CMA1: variants seen among roughly 807,000 people sequenced by gnomAD.
The protein encoded by CMA1 is chymase 1.
In CMA1, 24 loss-of-function variants were observed where a neutral mutation model predicts 18.8. The ratio of observed to expected loss-of-function variants is 1.28; its 90% confidence interval spans 0.92 to 1.80. CMA1 has a LOEUF of 1.80. Ranked by LOEUF, CMA1 falls within the 40% of genes most tolerant of loss-of-function variation. The pLI, the probability that CMA1 is intolerant of heterozygous loss-of-function variation, is 0.00. For missense variants in CMA1, 421 were observed against 302.8 expected, an observed-to-expected ratio of 1.39 and a Z score of -2.90; for synonymous variants, 152 against 117.0, an observed-to-expected ratio of 1.30 and a Z score of -1.93.
Position 24,505,600 on chromosome 14 carries a change from T to C in CMA1, c.660A>G (p.Gly220=). The C allele has an allele frequency of 6.2e-7, 1 of 1,613,820 alleles. No homozygotes were observed. The highest frequency in any genetic ancestry group is 8.5e-7 in the Non-Finnish European group (1 of 1,179,956). The change falls in exon 5 of 5, where the codon GGA becomes GGG. Residue 220 remains glycine (G), a synonymous_variant. Transcript: ENST00000250378. ...AGVAQGIVSY[G]RSDAKPPAVF... ...CAGCAGGGGGCTTTGCATCCGACCG[T>C]CCATAGGATACGATGCCCTGGGCCA...
chr14:24,506,303 T>A (rs1885108), intron 3 of CMA1, 21 bp from the exon 4 acceptor site: 5 of 1,610,696 alleles, frequency 3.1e-6, no homozygotes, highest in African/African-American at 1.3e-5. Context: ...AATGAAGGAC[T>A]GTCAGTCCTC....
chr14:24,505,904 G>A (rs994137637), intron 4 of CMA1, 124 bp downstream of exon 4: 7 of 1,340,574 alleles, frequency 5.2e-6, no homozygotes, highest in Non-Finnish European at 5.1e-6. Flanking sequence ...GACCACGGGA[G>A]GACAGCAATT....
Position 24,506,284 on chromosome 14 carries a change from T to C in CMA1, c.346-2A>G. The C allele has an allele frequency of 6.2e-7, 1 of 1,613,516 alleles. No homozygotes were observed. The highest frequency in any genetic ancestry group is 8.5e-7 in the Non-Finnish European group (1 of 1,179,720). On this transcript the variant is annotated splice_acceptor_variant, in intron 3 of 4. Transcript: ENST00000250378. LOFTEE classifies it high-confidence loss of function. ...GGTCAGGCTGGCTTTCTCCTTCAACTGTGAAGGGAATGAAGGACTGTCAGT... is the reference window on the plus strand; with the variant it reads ...GGTCAGGCTGGCTTTCTCCTTCAACCGTGAAGGGAATGAAGGACTGTCAGT...
rs762233096 is a variant in CMA1, at chr14:24,505,621, G to C, written c.639C>G (p.Ala213=). Residue 213 remains alanine, a synonymous_variant, in exon 5 of 5, where the codon GCC becomes GCG. Transcript: ENST00000250378. ...SGGPLLCAGV[A]QGIVSYGRSD... is the part of the protein sequence containing the mutation. ...ACCGTCCATAGGATACGATGCCCTG[G>C]GCCACCCCAGCACACAGAAGAGGGC... The C allele has an allele frequency of 6.2e-7, 1 of 1,613,640 alleles. No homozygotes were observed. Among genetic ancestry groups the C allele is most frequent in the East Asian group, 2.2e-5 (1 of 44,862 alleles).
At chr14:24,505,912 A>T (rs1228763722) in intron 4 of CMA1, 116 bp downstream of exon 4, 1 of 1,406,640 alleles carries the variant, frequency 7.1e-7, no homozygotes, top group Non-Finnish European at 9.7e-7. Context: ...GAGGACAGCA[A>T]TTCCTGTGAT....
chr14:24,506,441 T>C (rs1354732537), intron 3 of CMA1, 28 bp downstream of exon 3: 44 of 1,612,740 alleles, frequency 2.7e-5, no homozygotes, highest in Non-Finnish European at 3.6e-5. Flanking sequence ...GAATGGGAAG[T>C]GGAAAGGGAG....
At chr14:24,507,613 C>A in intron 1 of CMA1, 107 bp from the exon 2 acceptor site, 1 of 1,314,502 alleles carries the variant, frequency 7.6e-7, no homozygotes, top group Non-Finnish European at 1.1e-6. Context: ...CTCATTCTCA[C>A]CCTGTGTTCC....
intron 2 of CMA1, 23 bp downstream of exon 2, chr14:24,507,333 A>G: frequency 6.2e-7 from 1 of 1,614,038 alleles, no homozygotes; most frequent in Non-Finnish European, 8.5e-7. Flanking sequence ...CCATTTGGAG[A>G]TAAATAGACC....
chr14:24,507,454 G>T lies in CMA1; in HGVS notation c.111C>A (p.Ala37=). Reference sequence around the variant, plus strand: ...CGTTGGAAGTTACAATTTCCAGGTAGGCCATGTAGGGGCGGGAATGTGGCT... The same window carrying T: ...CGTTGGAAGTTACAATTTCCAGGTATGCCATGTAGGGGCGGGAATGTGGCT... ...ECKPHSRPYM[A]YLEIVTSNGP... The change falls in exon 2 of 5, where the codon GCC becomes GCA. Residue 37 remains alanine, a synonymous_variant. Coordinates refer to ENST00000250378, the MANE Select transcript of CMA1 (RefSeq NM_001836.5). 2 of 1,614,202 alleles carry T rather than the reference G, an allele frequency of 1.2e-6. No homozygotes were observed. The highest frequency in any genetic ancestry group is 1.7e-6 in the Non-Finnish European group (2 of 1,180,026).
rs968910061 is a variant in CMA1 at position 24,505,460 on chromosome 14, C to T, written c.*56G>A. The T allele has an allele frequency of 6.2e-7, 1 of 1,611,700 alleles. No homozygotes were observed. The highest frequency in any genetic ancestry group is 1.1e-5 in the South Asian group (1 of 90,980). On this transcript the variant is annotated 3_prime_UTR_variant, in exon 5 of 5. Coordinates refer to ENST00000250378, the MANE Select transcript of CMA1 (RefSeq NM_001836.5). ...GGTAGACCAGAATGAGTGGCACACA[C>T]TTTGCTGCTCAGGTCCAGTTCCAGC...
rs750271409 is a variant in CMA1 at position 24,508,196 on chromosome 14, A to G, written c.40T>C (p.Cys14Arg). 33 of 1,613,858 alleles carry G rather than the reference A, an allele frequency of 2.0e-5. No homozygotes were observed. The highest frequency in any genetic ancestry group is 2.8e-5 in the Non-Finnish European group (33 of 1,179,936). The change falls in exon 1 of 5, where the codon TGC becomes CGC. Residue 14 changes from cysteine (C) to arginine (R), a missense_variant. Physicochemically the swap from Cys to Arg is radical, Grantham distance 180. Coordinates refer to ENST00000250378, the MANE Select transcript of CMA1 (RefSeq NM_001836.5). ...LPLPLLLFLL[C>R]SRAEAGEIIG... ...TACTCACCAGCTTCAGCTCTGGAGC[A>G]CAAGAGAAAGAGCAGCAGGGGGAGA...
intron 1 of CMA1, 27 bp downstream of exon 1, chr14:24,508,151 T>C: frequency 6.2e-7 from 1 of 1,608,600 alleles, no homozygotes; most frequent in Non-Finnish European, 8.5e-7. Flanking sequence ...TACTGCAGAT[T>C]TCAGAGGGAA....
At chr14:24,507,217 C>T (rs1001591456) in intron 2 of CMA1, 139 bp downstream of exon 2, 4 of 991,568 alleles carry the variant, frequency 4.0e-6, no homozygotes, top group African/African-American at 3.2e-5. Flanking sequence ...AGACTAAAGT[C>T]TTTCAGCCCA....
In CMA1 at chr14:24,506,177, T is replaced by C. The variant is rs754514699; in HGVS notation, c.451A>G (p.Arg151Gly). 1.8e-4 allele frequency: 292 copies of C among 1,614,090 alleles called. No individual in the cohort carries two copies. The highest frequency in any genetic ancestry group is 2.4e-4 in the Non-Finnish European group (287 of 1,180,044). The change falls in exon 4 of 5, where the codon AGA (arginine) becomes GGA (glycine). Residue 151 changes from arginine (R) to glycine (G), a missense_variant. Physicochemically the swap from Arg to Gly is moderately radical, Grantham distance 125. Coordinates refer to ENST00000250378, the MANE Select transcript of CMA1 (RefSeq NM_001836.5). ...GRMCRVAGWG[R>G]TGVLKPGSDT... ...GAGCCCGGCTTCAACACACCTGTTC[T>C]TCCCCAGCCAGCCACCCGGCACATT...
intron 4 of CMA1, 21 bp from the exon 5 acceptor site, chr14:24,505,680 GA>G: frequency 6.3e-7 from 1 of 1,583,940 alleles, no homozygotes; most frequent in Non-Finnish European, 8.6e-7. Flanking sequence ...AGGAGAGAGA[GA>G]AGAAGGTGAG....
Position 24,506,581 on chromosome 14 carries a change from G to T in CMA1, c.233C>A (p.Ala78Asp). 6.2e-6 allele frequency: 10 copies of T among 1,614,066 alleles called. No homozygotes were observed. Among genetic ancestry groups the T allele is most frequent in the Non-Finnish European group, 8.5e-6 (10 of 1,180,022 alleles). The change falls in exon 3 of 5, where the codon GCC (alanine) becomes GAC (aspartate). Residue 78 changes from alanine (A) to aspartate (D), a missense_variant. By Grantham distance (126) the Ala-to-Asp change is moderately radical. Coordinates refer to ENST00000250378, the MANE Select transcript of CMA1 (RefSeq NM_001836.5). ...GTCTTCTTCCTCTGTTATGTTATGGGCTCCAAGGGTGACTGTTATAGACCT... is the reference window on the plus strand; with the variant it reads ...GTCTTCTTCCTCTGTTATGTTATGGTCTCCAAGGGTGACTGTTATAGACCT... ...AGRSITVTLG[A>D]HNITEEEDTW...
At position 24,506,127 on chromosome 14, in the gene CMA1, C is replaced by T. The variant is rs150775967; in HGVS notation, c.501G>A (p.Leu167=). 3.2e-4 allele frequency: 512 copies of T among 1,614,076 alleles called. No homozygotes were observed. Among genetic ancestry groups the T allele is most frequent in the Non-Finnish European group, 4.1e-4 (486 of 1,180,038 alleles). ...TGCAGGCCTGGGGATCCATGAGTCTCAGCTTCACCTCTTGCAGAGTGTCTG... is the reference window on the plus strand; with the variant it reads ...TGCAGGCCTGGGGATCCATGAGTCTTAGCTTCACCTCTTGCAGAGTGTCTG... ...PGSDTLQEVK[L]RLMDPQACSH... Residue 167 remains leucine (L), a synonymous_variant, in exon 4 of 5, where the codon CTG becomes CTA. Coordinates refer to ENST00000250378, the MANE Select transcript of CMA1 (RefSeq NM_001836.5).
chr14:24,505,547 G>C lies in CMA1; in HGVS notation c.713C>G (p.Pro238Arg). 1 of 1,614,068 alleles carries C rather than the reference G, an allele frequency of 6.2e-7. No homozygotes were observed. The highest frequency in any genetic ancestry group is 2.2e-5 in the East Asian group (1 of 44,880). ...TGCCTGCAGGATCTGGTTGATCCAG[G>C]GCCGGTAATGGGAGATTCGGGTGAA... is the stretch of plus-strand genomic sequence containing the variant. ...AVFTRISHYR[P>R]WINQILQAN Residue 238 changes from proline to arginine, a missense_variant, in exon 5 of 5, where the codon CCC becomes CGC. By Grantham distance (103) the Pro-to-Arg change is moderately radical. Transcript: ENST00000250378.
intron 1 of CMA1, 53 bp downstream of exon 1, chr14:24,508,125 T>C: frequency 6.6e-7 from 1 of 1,526,562 alleles, no homozygotes; most frequent in Non-Finnish European, 9.1e-7. Context: ...CTAAACATCT[T>C]TGTTTCAGGA....
Sources: gnomAD v4.1 joint callset for allele counts on GRCh38, gnomAD v4.1.1 for gene constraint, MANE v1.5 for transcripts, NCBI Gene and HGNC (gene_info 2026-07-23, HGNC 2026-07-21) for gene names.